SARS2: variants seen among roughly 807,000 people sequenced by gnomAD.
The protein encoded by SARS2 is serine--tRNA ligase, mitochondrial.
SARS2 carries 52 observed loss-of-function variants against 66.8 expected under a neutral mutation model. The ratio of observed to expected loss-of-function variants is 0.78; its 90% CI spans 0.62 to 0.98. The LOEUF is 0.98. Among genes scored for constraint, SARS2 ranks in the 50% least tolerant of loss-of-function variants. The pLI is 0.00. For missense variants in SARS2, 673 were observed against 706.3 expected (o/e 0.95, Z 0.53); for synonymous variants, 306 against 281.4 (o/e 1.09, Z -0.87).
Position 38,916,289 on chromosome 19 carries a change from G to T in SARS2, c.1186C>A (p.Leu396Met). 2.5e-6 allele frequency: 4 copies of T among 1,614,122 alleles called. No homozygotes were observed. In the South Asian group the frequency reaches 4.4e-5, roughly 18 times the overall value. The change falls in exon 13 of 16, where the codon CTG becomes ATG. Residue 396 changes from leucine (L) to methionine (M), a missense_variant. By Grantham distance (15) the Leu-to-Met change is conservative. Coordinates refer to ENST00000221431, the MANE Select transcript of SARS2 (RefSeq NM_017827.4). ...FRVLDMPTQELGLPAYRKFDI... is the reference protein window; with the variant it reads ...FRVLDMPTQEMGLPAYRKFDI... ...AACTTGCGGTAGGCGGGGAGGCCCA[G>T]TTCTTGGGTGGGCATATCCAGGACC...
Position 38,930,657 on chromosome 19 carries a change from T to G in SARS2, c.80A>C (p.Asn27Thr). ...GFRPRGGCIS[N>T]DSPRRSFTTE... The stretch of plus-strand genomic sequence containing the variant: ...AGTGAAACTTCTCCTTGGACTATCG[T>G]TGGAGATGCAGCCTCCCCGGGGCCG... The change falls in exon 1 of 16, where the codon AAC (asparagine) becomes ACC (threonine). Residue 27 changes from asparagine to threonine, a missense_variant. Transcript: ENST00000221431. 6.2e-7 allele frequency: 1 copy of G among 1,614,048 alleles called. No homozygotes were observed. The highest frequency in any genetic ancestry group is 8.5e-7 in the Non-Finnish European group (1 of 1,180,004).
chr19:38,927,286 T>C (rs1486213712), intron 1 of SARS2, among the ~76,000 whole-genome samples: 1 of 152,102 alleles, frequency 6.6e-6, no homozygotes, highest in Non-Finnish European at 1.5e-5. Context: ...ATTGACACCT[T>C]GTCTCAAAAA....
At chr19:38,917,455 G>A (rs1017010796) in intron 12 of SARS2, among the ~76,000 whole-genome samples, 2 of 152,220 alleles carry the variant, frequency 1.3e-5, no homozygotes, top group Non-Finnish European at 2.9e-5. Context: ...GTGGCCCAGA[G>A]AGAGGGGGAG....
chr19:38,920,336 G>C (rs1333820518), intron 5 of SARS2, among the ~76,000 whole-genome samples, 187 bp from the exon 6 acceptor site: 1 of 151,588 alleles, frequency 6.6e-6, no homozygotes, highest in African/African-American at 2.4e-5. Flanking sequence ...GGAAGGGAGG[G>C]AGATAAAAAC....
chr19:38,921,483 C>T lies in SARS2; in HGVS notation c.535-37G>A, dbSNP rs762188824. 10 of 1,614,058 alleles carry T rather than the reference C, an allele frequency of 6.2e-6. No individual in the cohort carries two copies. The South Asian group carries it at 9.9e-5, about 16-fold the overall frequency. On this transcript the variant is annotated intron_variant, in intron 4 of 15. Transcript: ENST00000221431. Reference sequence around the variant, plus strand: ...CAGCAGGAGTCACGGAAAGGTGGCACTAGGTGGGCCCCTGGCCTCCCTGCC... The same window carrying T: ...CAGCAGGAGTCACGGAAAGGTGGCATTAGGTGGGCCCCTGGCCTCCCTGCC...
At chr19:38,923,786 CT>C (rs1974582170) in intron 2 of SARS2, among the ~76,000 whole-genome samples, 1 of 151,658 alleles carries the variant, frequency 6.6e-6, no homozygotes, top group Admixed American at 6.6e-5. Flanking sequence ...CGAGACCATC[CT>C]GGCTAACATG....
intron 7 of SARS2, 146 bp from the exon 8 acceptor site, chr19:38,918,959 A>G (rs1974470004): frequency 2.6e-6 from 2 of 769,356 alleles, no homozygotes; most frequent in East Asian, 2.8e-5. Context: ...ATGTAATCCC[A>G]GCACTTTGGG....
chr19:38,926,779 ACT>A (rs1974635769), intron 1 of SARS2, among the ~76,000 whole-genome samples: 1 of 151,392 alleles, frequency 6.6e-6, no homozygotes, highest in Non-Finnish European at 1.5e-5. Flanking sequence ...CAAGAGTGAA[ACT>A]CTGTCTCAAA....
At chr19:38,926,373 ACCTGGAC>A (rs1974628827) in intron 1 of SARS2, 73 bp from the exon 2 acceptor site, 1 of 1,415,350 alleles carries the variant, frequency 7.1e-7, no homozygotes, top group African/African-American at 1.4e-5. Context: ...CCCACTGGCC[ACCTGGAC>A]CTGCGGCGCA....
Position 38,930,677 on chromosome 19 carries a change from GGGCCGGAACCCCCGACGAGTCAGCAAA to G in SARS2, c.33_59del (p.Leu12_Pro20del), listed in dbSNP as rs1974725825. On this transcript the variant is annotated inframe_deletion, in exon 1 of 16. Coordinates refer to ENST00000221431, the MANE Select transcript of SARS2 (RefSeq NM_017827.4). Reference sequence around the variant, plus strand: ...TATCGTTGGAGATGCAGCCTCCCCGGGGCCGGAACCCCCGACGAGTCAGCAAAGGCCACAAGCGCCGCGCCATGGACG... The same window carrying G: ...TATCGTTGGAGATGCAGCCTCCCCGGGGCCACAAGCGCCGCGCCATGGACG... 6.2e-7 allele frequency: 1 copy of G among 1,613,916 alleles called. No homozygotes were observed. Among genetic ancestry groups the G allele is most frequent in the East Asian group, 2.2e-5 (1 of 44,896 alleles).
In SARS2 at chr19:38,918,480, G is replaced by A. The variant is rs144697966; in HGVS notation, c.858C>T (p.Ile286=). The A allele has an allele frequency of 3.1e-6, 5 of 1,614,084 alleles. No individual in the cohort carries two copies. Among genetic ancestry groups the A allele is most frequent in the Middle Eastern group, 1.6e-4 (1 of 6,084 alleles). Residue 286 remains isoleucine, a synonymous_variant, in exon 9 of 16, where the codon ATC becomes ATT. Transcript: ENST00000221431. ...PNANPSQIYN[I]DPARFKDLNL... Reference sequence around the variant, plus strand: ...TGAGATCTTTGAAGCGGGCAGGGTCGATGTTGTAAATTTGGGATGGGTTGG... The same window carrying A: ...TGAGATCTTTGAAGCGGGCAGGGTCAATGTTGTAAATTTGGGATGGGTTGG...
Position 38,930,653 on chromosome 19 carries a change from A to G in SARS2, c.84T>C (p.Asp28=), listed in dbSNP as rs1280629575. 1.2e-6 allele frequency: 2 copies of G among 1,613,952 alleles called. No individual in the cohort carries two copies. Among genetic ancestry groups the G allele is most frequent in the Non-Finnish European group, 1.7e-6 (2 of 1,180,024 alleles). ...CTGTAGTGAAACTTCTCCTTGGACT[A>G]TCGTTGGAGATGCAGCCTCCCCGGG... ...FRPRGGCISN[D]SPRRSFTTEK... is the part of the protein sequence containing the mutation. The change falls in exon 1 of 16, where the codon GAT becomes GAC. Residue 28 remains aspartate, a synonymous_variant. Coordinates refer to ENST00000221431, the MANE Select transcript of SARS2 (RefSeq NM_017827.4).
chr19:38,917,546 G>A (rs760147188), intron 12 of SARS2, among the ~76,000 whole-genome samples, 178 bp downstream of exon 12: 6 of 152,232 alleles, frequency 3.9e-5, no homozygotes, highest in African/African-American at 7.2e-5. Context: ...TGTGAGGGAC[G>A]ACCGGCACAC....
rs1205001521 is a variant in SARS2, at chr19:38,930,747, G to A, written c.-11C>T. 6.2e-7 allele frequency: 1 copy of A among 1,612,108 alleles called. No homozygotes were observed. Among genetic ancestry groups the A allele is most frequent in the Non-Finnish European group, 8.5e-7 (1 of 1,179,996 alleles). ...CATGGACGCAGCCATCTTGGACCGG[G>A]AACAAGGCGGCACTTCGTCCCGCCC... On this transcript the variant is annotated 5_prime_UTR_variant, in exon 1 of 16. Coordinates refer to ENST00000221431, the MANE Select transcript of SARS2 (RefSeq NM_017827.4).
chr19:38,923,866 C>G (rs970947536), intron 2 of SARS2, among the ~76,000 whole-genome samples: 2 of 151,918 alleles, frequency 1.3e-5, no homozygotes, highest in Non-Finnish European at 2.9e-5. Context: ...CCCAGCTACT[C>G]GGGAGGCTGA....
rs1340875713 is a variant in SARS2, at chr19:38,920,970, GACAC to G, written c.589+418_589+421del. Reference sequence around the variant, plus strand: ...ACACACAGACACAGACACAGATACAGACACACACAAACACAGACACACACACACA... The same window carrying G: ...ACACACAGACACAGACACAGATACAGACACAAACACAGACACACACACACA... On this transcript the variant is annotated intron_variant, in intron 5 of 15. Transcript: ENST00000221431. Among the ~76,000 whole-genome samples, 10 of 134,172 alleles carry G rather than the reference GACAC, an allele frequency of 7.5e-5. 2 individuals carry two copies. The highest frequency in any genetic ancestry group is 2.5e-4 in the South Asian group (1 of 3,968). The allele number at this position is 134,172 out of a possible 152,430, so 88.0% of individuals were successfully genotyped here.
chr19:38,921,839 T>C (rs968541786), intron 3 of SARS2, 172 bp from the exon 4 acceptor site: 2 of 1,323,312 alleles, frequency 1.5e-6, no homozygotes, highest in African/African-American at 2.9e-5. Flanking sequence ...GGCAGGTTTG[T>C]GGGGAAAAGA....
At chr19:38,928,857 T>C (rs1974674759) in intron 1 of SARS2, among the ~76,000 whole-genome samples, 1 of 152,208 alleles carries the variant, frequency 6.6e-6, no homozygotes, top group Admixed American at 6.5e-5. Flanking sequence ...CTCTATGAAT[T>C]TGATTACTCT....
chr19:38,924,536 A>T (rs1974596639), intron 2 of SARS2, among the ~76,000 whole-genome samples: 2 of 152,166 alleles, frequency 1.3e-5, no homozygotes, highest in South Asian at 4.1e-4. Context: ...AGGTGCTGGG[A>T]GATGTGATTC....
Sources: gnomAD v4.1 joint callset for allele counts (sites outside exome capture counted in the v4.1 genomes callset) on GRCh38, gnomAD v4.1.1 for gene constraint, MANE v1.5 for transcripts, NCBI Gene and HGNC (gene_info 2026-07-23, HGNC 2026-07-21) for gene names.